The following KIFC3 variants were observed in gnomAD, a reference collection of about 807,000 sequenced individuals.
The protein encoded by KIFC3 is kinesin family member C3.
In KIFC3, 60 loss-of-function variants were observed where a neutral mutation model predicts 101.8. That is an observed-to-expected ratio of 0.59 (90% CI 0.48 to 0.73). The LOEUF is 0.73. KIFC3 is among the 30% of genes least tolerant of loss of function. KIFC3 has a pLI of 0.00. For missense variants in KIFC3, 966 were observed against 1,137.1 expected, an observed-to-expected ratio of 0.85 and a Z score of 2.16; for synonymous variants, 476 against 482.7, an observed-to-expected ratio of 0.99 and a Z score of 0.18.
rs146386887 is a variant in KIFC3, at chr16:57,783,472, CT to C, written c.316-11185del. 4.2e-3 allele frequency among the ~76,000 whole-genome samples: 347 copies of C among 82,618 alleles called. 1 individual carries two copies. Among genetic ancestry groups the C allele is most frequent in the Middle Eastern group, 7.2e-3 (1 of 138 alleles). 54.2% of individuals were successfully genotyped at this position (82,618 alleles called of 152,430 possible). ...ATCTCCACAAAGCCCATTTTCTTTT[CT>C]TTTTTTTTTTTTTTTTGAGACAGAG... On this transcript the variant is annotated intron_variant, in intron 3 of 19. Transcript: ENST00000445690.
chr16:57,794,517 C>T (rs1017561482), intron 3 of KIFC3, among the ~76,000 whole-genome samples: 1 of 152,184 alleles, frequency 6.6e-6, no homozygotes, highest in Non-Finnish European at 1.5e-5. Flanking sequence ...TGAGCCACCG[C>T]GCCTAGCCTT....
chr16:57,812,487 G>T (rs2055109456), intron 1 of KIFC3, among the ~76,000 whole-genome samples: 1 of 152,202 alleles, frequency 6.6e-6, no homozygotes, highest in Non-Finnish European at 1.5e-5. Context: ...AAAGGTGTGT[G>T]TGAAGACACC....
intron 3 of KIFC3, among the ~76,000 whole-genome samples, chr16:57,791,402 G>A (rs1555620314): frequency 6.6e-6 from 1 of 152,234 alleles, no homozygotes; most frequent in African/African-American, 2.4e-5. Flanking sequence ...CCAAGCCACA[G>A]GAAGGACAGA....
intron 1 of KIFC3, chr16:57,798,569 A>G (rs2054523351): frequency 1.9e-6 from 1 of 513,462 alleles, no homozygotes; most frequent in Non-Finnish European, 3.5e-6. Context: ...CTGAGCCTGG[A>G]GCCTGAGGAC....
intron 1 of KIFC3, among the ~76,000 whole-genome samples, chr16:57,826,804 C>T (rs2055466943): frequency 6.6e-6 from 1 of 152,228 alleles, no homozygotes. Context: ...TTCCAAAAGT[C>T]AGATTCCTGA....
chr16:57,779,394 AT>A (rs1441001623), intron 3 of KIFC3: 1 of 152,252 alleles, frequency 6.6e-6, no homozygotes, highest in Non-Finnish European at 1.5e-5. Flanking sequence ...CAGATGGCGA[AT>A]GAGGAGTTAC....
upstream of KIFC3, among the ~76,000 whole-genome samples, chr16:57,804,295 C>T (rs926455746): frequency 1.3e-5 from 2 of 152,098 alleles, no homozygotes; most frequent in African/African-American, 2.4e-5. Context: ...CAGCACTAAG[C>T]TCTTTATAAA....
At chr16:57,841,532 T>C (rs529326472) in intron 1 of KIFC3, among the ~76,000 whole-genome samples, 2 of 152,148 alleles carry the variant, frequency 1.3e-5, no homozygotes, top group South Asian at 4.2e-4. Flanking sequence ...CCAGGCCTGG[T>C]GGCATGTGCC....
chr16:57,765,665 T>C (rs1555602346), intron 10 of KIFC3, 25 bp from the exon 11 acceptor site: 1 of 1,594,934 alleles, frequency 6.3e-7, no homozygotes, highest in Non-Finnish European at 8.6e-7. Flanking sequence ...GATGGGGAAA[T>C]GGGTCCAGGC....
chr16:57,797,424 C>T (rs35820612), intron 2 of KIFC3, among the ~76,000 whole-genome samples: 2 of 152,160 alleles, frequency 1.3e-5, no homozygotes, highest in Non-Finnish European at 2.9e-5. Context: ...TCAGAGAAGC[C>T]GCTCACTTCT....
rs1213603286 is a variant in KIFC3, at chr16:57,832,004, TTTTTG to T, written c.108+30720_108+30724del. Reference sequence around the variant, plus strand: ...CAGGATAATTTATTGCAAGGTGAATTTTTTGTTTTGTTTTGTTTTGTTTTTGTTTT... The same window carrying T: ...CAGGATAATTTATTGCAAGGTGAATTTTTTGTTTTGTTTTGTTTTTGTTTT... On this transcript the variant is annotated intron_variant, in intron 1 of 2. Coordinates refer to the KIFC3 transcript ENST00000563028. Among the ~76,000 whole-genome samples, 10 of 151,314 alleles carry T rather than the reference TTTTTG, an allele frequency of 6.6e-5. No homozygotes were observed. The East Asian group carries it at 7.7e-4, about 12-fold the overall frequency.
intron 3 of KIFC3, 112 bp downstream of exon 3, chr16:57,794,887 T>G (rs1372903004): frequency 8.1e-6 from 8 of 982,564 alleles, no homozygotes; most frequent in Non-Finnish European, 1.1e-5. Context: ...AGGTGCGAGG[T>G]GGGTCCCCGG....
intron 3 of KIFC3, chr16:57,776,027 A>G: frequency 1.0e-6 from 1 of 985,420 alleles, no homozygotes; most frequent in Non-Finnish European, 1.2e-6. Context: ...GGCTCGACCA[A>G]GGGTGGGGCC....
rs781984128 is a variant in KIFC3 at position 57,759,682 on chromosome 16, A to G, written c.2476+46T>C. 26 of 1,448,644 alleles carry G rather than the reference A, an allele frequency of 1.8e-5. No individual in the cohort carries two copies. The South Asian group carries it at 2.3e-4, about 13-fold the overall frequency. 89.7% of individuals were successfully genotyped at this position (1,448,644 alleles called of 1,614,324 possible). ...TCCAGGTAAGGGCAGCCTGGTGACT[A>G]TTACCCTGGGGAGACTCCCCACCCA... is the stretch of plus-strand genomic sequence containing the variant. On this transcript the variant is annotated intron_variant, in intron 18 of 19. Transcript: ENST00000445690.
At chr16:57,809,780 C>T (rs556449245) in intron 1 of KIFC3, among the ~76,000 whole-genome samples, 20 of 152,242 alleles carry the variant, frequency 1.3e-4, no homozygotes, top group African/African-American at 3.6e-4. Flanking sequence ...CATTTTTTGA[C>T]GAGAACTACT....
Position 57,771,561 on chromosome 16 carries a change from T to C in KIFC3, c.507A>G (p.Pro169=), listed in dbSNP as rs528215899. Residue 169 remains proline (P), a synonymous_variant, in exon 5 of 20, where the codon CCA becomes CCG. Coordinates refer to ENST00000445690, the MANE Select transcript of KIFC3 (RefSeq NM_001130100.2). The part of the protein sequence containing the change: ...ELRTKPAGPC[P]GCEHSQESAQ... ...TGCTCACCTGGCTGTGCTCACAACCTGGGCAGGGACCTGCTGGCTTTGTGC... is the reference window on the plus strand; with the variant it reads ...TGCTCACCTGGCTGTGCTCACAACCCGGGCAGGGACCTGCTGGCTTTGTGC... 70 of 1,613,190 alleles carry C rather than the reference T, an allele frequency of 4.3e-5. No individual in the cohort carries two copies. The highest frequency in any genetic ancestry group is 8.0e-5 in the African/African-American group (6 of 74,948).
At chr16:57,760,612 T>A in intron 16 of KIFC3, 114 bp downstream of exon 16, 1 of 1,096,454 alleles carries the variant, frequency 9.1e-7, no homozygotes, top group Non-Finnish European at 1.4e-6. Context: ...AGGGTGTGTG[T>A]GGCCAGGTCT....
chr16:57,803,093 A>G (rs1208926462), upstream of KIFC3: 5 of 1,461,372 alleles, frequency 3.4e-6, no homozygotes, highest in Non-Finnish European at 4.6e-6. Context: ...TAGCCACAGC[A>G]CTTCCTACCT....
chr16:57,847,193 G>GGAAGGAA (rs2055937823), intron 1 of KIFC3, among the ~76,000 whole-genome samples: 18 of 46,162 alleles, frequency 3.9e-4, no homozygotes, highest in South Asian at 1.7e-3. Flanking sequence ...GAAGGAAGGA[G>GGAAGGAA]GGAAGGAAGG....
Sources: gnomAD v4.1 joint callset for allele counts (sites outside exome capture counted in the v4.1 genomes callset) on GRCh38, gnomAD v4.1.1 for gene constraint, MANE v1.5 for transcripts, NCBI Gene and HGNC (gene_info 2026-07-23, HGNC 2026-07-21) for gene names.